Variants in FBLN1 observed in about 807,000 individuals in gnomAD.
The protein encoded by FBLN1 is fibulin-1.
In FBLN1, 34 loss-of-function variants were observed where a neutral mutation model predicts 89.7. That is an observed-to-expected ratio of 0.38 (90% CI 0.29 to 0.50). FBLN1 has a LOEUF of 0.50. Among genes scored for constraint, FBLN1 ranks in the 20% least tolerant of loss-of-function variants. FBLN1 has a pLI of 0.92. For synonymous variants in FBLN1, 393 were observed against 391.3 expected, an observed-to-expected ratio of 1.00 and a Z score of -0.05; for missense variants, 777 against 988.1, an observed-to-expected ratio of 0.79 and a Z score of 2.86.
At chr22:45,547,315 T>C (rs2088642973) in intron 12 of FBLN1, 111 bp downstream of exon 12, 15 of 1,480,322 alleles carry the variant, frequency 1.0e-5, no homozygotes, top group Middle Eastern at 2.2e-4. Context: ...CTGGGATTTC[T>C]TCACCTGACA....
In FBLN1 at chr22:45,576,998, TCACGC is replaced by T. The variant is rs775059354; in HGVS notation, c.1866_1870del (p.Pro623AlafsTer7). 1 of 1,613,944 alleles carries T rather than the reference TCACGC, an allele frequency of 6.2e-7. No homozygotes were observed. The highest frequency in any genetic ancestry group is 8.5e-7 in the Non-Finnish European group (1 of 1,180,044). ...GCAGAGATCATCTTCCTCCGGGCCA[TCACGC>T]CACCGCATCCTGCCAGCCAGGCTAA... On this transcript the variant is annotated frameshift_variant, in exon 16 of 17. Coordinates refer to ENST00000327858, the MANE Select transcript of FBLN1 (RefSeq NM_006486.3). LOFTEE classifies it high-confidence loss of function. The surrounding 1 kb of genome is among the most constrained non-coding windows in gnomAD (Gnocchi z 5.2).
chr22:45,552,757 G>C (rs2088721069), intron 14 of FBLN1, among the ~76,000 whole-genome samples: 3 of 152,286 alleles, frequency 2.0e-5, no homozygotes, highest in African/African-American at 7.2e-5. Context: ...GGTAACTGGA[G>C]CATGACCCAG....
Position 45,530,437 on chromosome 22 carries a change from C to G in FBLN1, c.485-828C>G, listed in dbSNP as rs544945825. On this transcript the variant is annotated intron_variant, in intron 4 of 16. Transcript: ENST00000327858. This position sits in a 1 kb window ranked among gnomAD's most constrained non-coding sequence, Gnocchi z 5.4. The stretch of plus-strand genomic sequence containing the variant: ...GGGCTTCCTGTCTTCACAGCCGCAC[C>G]TTCCTCCCACTGCTACCAGTGCCAT... 2.6e-5 allele frequency among the ~76,000 whole-genome samples: 4 copies of G among 152,240 alleles called. No individual in the cohort carries two copies. Among genetic ancestry groups the G allele is most frequent in the Admixed American group, 2.0e-4 (3 of 15,296 alleles).
Position 45,535,192 on chromosome 22 carries a change from T to C in FBLN1, c.785-8T>C. On this transcript the variant is annotated splice_region_variant and splice_polypyrimidine_tract_variant and intron_variant, in intron 7 of 16. Coordinates refer to ENST00000327858, the MANE Select transcript of FBLN1 (RefSeq NM_006486.3). ...TGCTAACAATTTCCTTTTTTTATGA[T>C]GTACCAGATATTGACGAGTGTGAGA... 6.2e-7 allele frequency: 1 copy of C among 1,614,178 alleles called. No homozygotes were observed. Among genetic ancestry groups the C allele is most frequent in the African/African-American group, 1.3e-5 (1 of 75,052 alleles).
Position 45,556,444 on chromosome 22 carries a change from CTTG to C in FBLN1, c.1697+5832_1697+5834del, listed in dbSNP as rs972966441. Reference sequence around the variant, plus strand: ...GCCTTCAGCAAGCACCTTGGCAGATCTTGTTTTTTTTTTTTCCTGGTGGAGTGA... The same window carrying C: ...GCCTTCAGCAAGCACCTTGGCAGATCTTTTTTTTTTTTCCTGGTGGAGTGA... On this transcript the variant is annotated intron_variant, in intron 14 of 16. Transcript: ENST00000327858. The surrounding 1 kb of genome is among the most constrained non-coding windows in gnomAD (Gnocchi z 4.6). Among the ~76,000 whole-genome samples, 13 of 151,802 alleles carry C rather than the reference CTTG, an allele frequency of 8.6e-5. No individual in the cohort carries two copies. Among genetic ancestry groups the C allele is most frequent in the African/African-American group, 2.9e-4 (12 of 41,294 alleles).
intron 16 of FBLN1, among the ~76,000 whole-genome samples, chr22:45,587,698 C>T (rs184948770): frequency 4.7e-4 from 72 of 152,348 alleles, no homozygotes; most frequent in African/African-American, 1.6e-3. Flanking sequence ...CTCTTCCCTC[C>T]GCTCTGCTTC....
At chr22:45,529,640 C>T (rs1345481141) in intron 4 of FBLN1, among the ~76,000 whole-genome samples, 5 of 152,086 alleles carry the variant, frequency 3.3e-5, no homozygotes, top group South Asian at 2.1e-4. Context: ...CCGAGGCAGG[C>T]GGATCACCTG....
chr22:45,525,696 T>C lies in FBLN1; in HGVS notation c.321+18T>C, dbSNP rs1438429602. 2.6e-6 allele frequency: 4 copies of C among 1,551,210 alleles called. No homozygotes were observed. The highest frequency in any genetic ancestry group is 1.4e-5 in the African/African-American group (1 of 73,184). On this transcript the variant is annotated intron_variant, in intron 3 of 16. Transcript: ENST00000327858. ...TTGTGAAGGTGAGAGCCAAAGACCA[T>C]GTGGGGTCGCTGCCCGTCCCCACTA...
chr22:45,504,907 A>C (rs1186541213), intron 1 of FBLN1, among the ~76,000 whole-genome samples: 3 of 152,038 alleles, frequency 2.0e-5, no homozygotes, highest in African/African-American at 7.2e-5. Flanking sequence ...AACAGGTTTA[A>C]TTTGGTACAG....
chr22:45,523,055 TA>T, intron 2 of FBLN1: 1 of 703,720 alleles, frequency 1.4e-6, no homozygotes, highest in Non-Finnish European at 2.7e-6. Context: ...CAGGGAGGCA[TA>T]GGGGCTTCTG....
In FBLN1 at chr22:45,596,945, ATAGT is replaced by A. The variant is rs773854953; in HGVS notation, c.1973-3359_1973-3356del. ...TTTAATATATTGTTTTATATGTATA[ATAGT>A]TATATATCATATATGAAACTATATA... On this transcript the variant is annotated intron_variant, in intron 16 of 16. Transcript: ENST00000327858. Among the ~76,000 whole-genome samples, 467 of 149,922 alleles carry A rather than the reference ATAGT, an allele frequency of 3.1e-3. 13 individuals are homozygous for A. Among genetic ancestry groups the A allele is most frequent in the Non-Finnish European group, 1.9e-3 (127 of 67,620 alleles).
chr22:45,576,050 G>T lies in FBLN1; in HGVS notation c.1841-927G>T, dbSNP rs1359025830. ...GACACAACCATGCGGGGGGGTGGGG[G>T]GAGGAGAGGCTCCCTCAGCACGTGG... On this transcript the variant is annotated intron_variant, in intron 15 of 16. Transcript: ENST00000327858. The surrounding 1 kb of genome is among the most constrained non-coding windows in gnomAD (Gnocchi z 5.2). Among the ~76,000 whole-genome samples the T allele has an allele frequency of 6.6e-6, 1 of 152,208 alleles. No homozygotes were observed. The highest frequency in any genetic ancestry group is 1.5e-5 in the Non-Finnish European group (1 of 68,030).
At chr22:45,566,598 T>G (rs1348972539) in intron 14 of FBLN1, among the ~76,000 whole-genome samples, 1 of 152,220 alleles carries the variant, frequency 6.6e-6, no homozygotes, top group Non-Finnish European at 1.5e-5. Context: ...AAGGCCCACC[T>G]TATGGTTGAT....
intron 14 of FBLN1, among the ~76,000 whole-genome samples, chr22:45,564,588 G>C (rs1415906397): frequency 6.6e-6 from 1 of 152,208 alleles, no homozygotes; most frequent in Non-Finnish European, 1.5e-5. Flanking sequence ...GCCACCCCTG[G>C]CTTCTGTTTT....
chr22:45,521,244 C>T (rs116224868), intron 2 of FBLN1, among the ~76,000 whole-genome samples: 6,539 of 152,306 alleles, frequency 0.043, 499 homozygotes, highest in African/African-American at 0.15. Context: ...AGAGGGCATT[C>T]CTTCTCTCTT....
chr22:45,503,199 C>A, intron 1 of FBLN1, 135 bp downstream of exon 1: 1 of 236,504 alleles, frequency 4.2e-6, no homozygotes, highest in Non-Finnish European at 6.8e-6. Context: ...CTGTCAGCGC[C>A]GAGGCCTCGG....
rs767391464 is a variant in FBLN1, at chr22:45,563,314, C to T, written c.1698-11197C>T. ...TCTCCCTCCTGTTGCTTTCCTAACC[C>T]TGCCCTCCGGGGCGTTAATAAAGTC... On this transcript the variant is annotated intron_variant, in intron 14 of 16. Transcript: ENST00000327858. The surrounding 1 kb of genome is among the most constrained non-coding windows in gnomAD (Gnocchi z 5.7). 2 of 1,612,098 alleles carry T rather than the reference C, an allele frequency of 1.2e-6. No individual in the cohort carries two copies. Among genetic ancestry groups the T allele is most frequent in the Non-Finnish European group, 1.7e-6 (2 of 1,179,912 alleles).
At chr22:45,546,965 C>T in intron 11 of FBLN1, 120 bp from the exon 12 acceptor site, 1 of 1,516,442 alleles carries the variant, frequency 6.6e-7, no homozygotes, top group Non-Finnish European at 9.1e-7. Context: ...ACCTCTGTCT[C>T]TCCGAGTGTG....
At chr22:45,503,246 A>C in intron 1 of FBLN1, 182 bp downstream of exon 1, 1 of 337,828 alleles carries the variant, frequency 3.0e-6, no homozygotes, top group Non-Finnish European at 5.1e-6. Flanking sequence ...TCCGGTCCTC[A>C]TCTCCTCCCC....
Sources: gnomAD v4.1 joint callset for allele counts (sites outside exome capture counted in the v4.1 genomes callset) on GRCh38, gnomAD v4.1.1 for gene constraint, Gnocchi (gnomAD v3.1) non-coding constraint, MANE v1.5 for transcripts, NCBI Gene and HGNC (gene_info 2026-07-23, HGNC 2026-07-21) for gene names.